The following GPR20 variants were observed in gnomAD, a reference collection of about 807,000 sequenced individuals.
GPR20 encodes the protein G protein-coupled receptor 20, also known as CTD-3064M3.3.
For synonymous variants in GPR20, 241 were observed against 241.9 expected (o/e 1.00, Z 0.04); for missense variants, 494 against 527.4 (o/e 0.94, Z 0.62).
At chr8:141,358,689 G>A (rs1474526896) in intron 1 of GPR20, among the ~76,000 whole-genome samples, 2 of 152,218 alleles carry the variant, frequency 1.3e-5, no homozygotes, top group Non-Finnish European at 2.9e-5. Context: ...TTTACAAAGG[G>A]AATTAGGCTG....
intron 1 of GPR20, among the ~76,000 whole-genome samples, chr8:141,362,279 C>T (rs1831745552): frequency 6.6e-6 from 1 of 152,202 alleles, no homozygotes. Flanking sequence ...CCTGGGCTGC[C>T]TCTCTCTGGT....
intron 1 of GPR20, among the ~76,000 whole-genome samples, chr8:141,361,350 C>T (rs762894730): frequency 6.6e-6 from 1 of 152,220 alleles, no homozygotes; most frequent in Non-Finnish European, 1.5e-5. Context: ...CCATGGAGCC[C>T]TGGCTCTGGC....
At chr8:141,366,543 A>G (rs1463704610) in intron 1 of GPR20, among the ~76,000 whole-genome samples, 1 of 152,184 alleles carries the variant, frequency 6.6e-6, no homozygotes, top group African/African-American at 2.4e-5. Context: ...CTAGGTCCAC[A>G]CTGAGGGCTG....
At chr8:141,363,896 C>A (rs772111366) in intron 1 of GPR20, among the ~76,000 whole-genome samples, 1 of 152,254 alleles carries the variant, frequency 6.6e-6, no homozygotes, top group Non-Finnish European at 1.5e-5. Context: ...GCTCAGGACC[C>A]TGTGTGCTGT....
In GPR20 at chr8:141,357,589, A is replaced by G. The variant is rs369261216; in HGVS notation, c.335T>C (p.Val112Ala). ...CAGGCAGCCCCTGGCGCCGTAGTAC[A>G]CAGCGAAGCGCGTGGGCAGGGACAG... ...VGLSLPTRFA[V>A]YYGARGCLRC... is the part of the protein sequence containing the mutation. Residue 112 changes from valine (V) to alanine (A), a missense_variant, in exon 2 of 2, where the codon GTG (valine) becomes GCG (alanine). Physicochemically the swap from Val to Ala is moderately conservative, Grantham distance 64. Coordinates refer to ENST00000377741, the MANE Select transcript of GPR20 (RefSeq NM_005293.3). 2.7e-5 allele frequency: 43 copies of G among 1,613,842 alleles called. No homozygotes were observed. The highest frequency in any genetic ancestry group is 3.6e-5 in the Non-Finnish European group (42 of 1,180,028).
In GPR20 at chr8:141,364,074, G is replaced by A. The variant is rs538748607; in HGVS notation, c.-25+3127C>T. 7.2e-5 allele frequency among the ~76,000 whole-genome samples: 11 copies of A among 152,378 alleles called. No homozygotes were observed. In the East Asian group the frequency reaches 2.1e-3, roughly 29 times the overall value. On this transcript the variant is annotated intron_variant, in intron 1 of 1. Coordinates refer to ENST00000377741, the MANE Select transcript of GPR20 (RefSeq NM_005293.3). ...CGGTTACCCAGCATGGAGCTGGTGGGGCTGGGAATCAGACCCAGGTCCACT... is the reference window on the plus strand; with the variant it reads ...CGGTTACCCAGCATGGAGCTGGTGGAGCTGGGAATCAGACCCAGGTCCACT...
intron 1 of GPR20, among the ~76,000 whole-genome samples, chr8:141,361,774 T>TGCAGGTGTGGCGGGGCAGGG (rs1427793389): frequency 6.6e-6 from 1 of 152,120 alleles, no homozygotes; most frequent in Admixed American, 6.5e-5. Context: ...GAGCACCTGC[T>TGCAGGTGTGGCGGGGCAGGG]GCAGGTGTGG....
intron 1 of GPR20, among the ~76,000 whole-genome samples, chr8:141,358,591 C>T (rs1831687864): frequency 6.6e-6 from 1 of 152,206 alleles, no homozygotes; most frequent in Admixed American, 6.5e-5. Context: ...CGTCATGGCC[C>T]CCATCCTCCG....
Position 141,357,767 on chromosome 8 carries a change from A to G in GPR20, c.157T>C (p.Trp53Arg). ...CCGTGCACCGCCATCAGCGCCAGCC[A>G]CAGGCCTGGGAAGGTGCCATGCAGC... ...EELHGTFPGL[W>R]LALMAVHGAI... is the part of the protein sequence containing the mutation. Residue 53 changes from tryptophan (W) to arginine (R), a missense_variant, in exon 2 of 2, where the codon TGG becomes CGG. Trp to Arg is a moderately radical substitution (Grantham distance 101). Coordinates refer to ENST00000377741, the MANE Select transcript of GPR20 (RefSeq NM_005293.3). The G allele has an allele frequency of 1.2e-6, 2 of 1,613,430 alleles. No individual in the cohort carries two copies. The highest frequency in any genetic ancestry group is 1.7e-6 in the Non-Finnish European group (2 of 1,179,968).
chr8:141,359,573 G>A (rs1450792254), intron 1 of GPR20, among the ~76,000 whole-genome samples: 1 of 152,236 alleles, frequency 6.6e-6, no homozygotes, highest in Non-Finnish European at 1.5e-5. Context: ...CCCCCCGACT[G>A]CAAGCAAGCT....
At chr8:141,359,491 G>C (rs537817829) in intron 1 of GPR20, among the ~76,000 whole-genome samples, 263 of 152,314 alleles carry the variant, frequency 1.7e-3, no homozygotes, top group African/African-American at 5.4e-3. Context: ...GAGGAGTCAA[G>C]TGCTGCCCAG....
chr8:141,364,118 C>A (rs777009323), intron 1 of GPR20, among the ~76,000 whole-genome samples: 3 of 152,228 alleles, frequency 2.0e-5, no homozygotes, highest in Non-Finnish European at 4.4e-5. Context: ...CCGGCACAGG[C>A]CGGAGTGGAG....
At chr8:141,362,935 T>C (rs754540878) in intron 1 of GPR20, among the ~76,000 whole-genome samples, 3 of 152,104 alleles carry the variant, frequency 2.0e-5, no homozygotes, top group Non-Finnish European at 4.4e-5. Flanking sequence ...GTATTTTTGG[T>C]ACAGATGGGG....
Position 141,356,983 on chromosome 8 carries a change from T to A in GPR20, c.941A>T (p.Gln314Leu). The change falls in exon 2 of 2, where the codon CAG (glutamine) becomes CTG (leucine). Residue 314 changes from glutamine to leucine, a missense_variant. Transcript: ENST00000377741. ...GCTGCTGGGCTCACGCTCTCCGTGC[T>A]GGCCGAAGAGGCCTCGGACGGTGGC... is the stretch of plus-strand genomic sequence containing the variant. The part of the protein sequence containing the change: ...FQATVRGLFG[Q>L]HGEREPSSGD... The A allele has an allele frequency of 6.2e-7, 1 of 1,613,178 alleles. No individual in the cohort carries two copies. The highest frequency in any genetic ancestry group is 1.1e-5 in the South Asian group (1 of 91,088).
Position 141,357,812 on chromosome 8 carries a change from A to G in GPR20, c.112T>C (p.Phe38Leu). 2.5e-6 allele frequency: 4 copies of G among 1,613,326 alleles called. No homozygotes were observed. Among genetic ancestry groups the G allele is most frequent in the Non-Finnish European group, 3.4e-6 (4 of 1,179,902 alleles). Residue 38 changes from phenylalanine (F) to leucine (L), a missense_variant, in exon 2 of 2, where the codon TTT (phenylalanine) becomes CTT (leucine). Phe to Leu is a conservative substitution (Grantham distance 22, BLOSUM62 0). Transcript: ENST00000377741. ...TGCAGCTCCTCGTCCAGCCGGGCAA[A>G]CAGGTGGAACAGGGGCACCTCCAGC... Reference protein sequence around the residue: ...SGLEVPLFHLFARLDEELHGT... With the variant: ...SGLEVPLFHLLARLDEELHGT...
intron 1 of GPR20, among the ~76,000 whole-genome samples, chr8:141,364,837 C>T (rs7460397): frequency 0.045 from 6,777 of 152,218 alleles, 177 homozygotes; most frequent in African/African-American, 0.061. Context: ...GGAGGTCCTG[C>T]GTGTCACCCA....
In GPR20 at chr8:141,360,533, C is replaced by T. The variant is rs375043327; in HGVS notation, c.-24-2586G>A. The stretch of plus-strand genomic sequence containing the variant: ...AACCCCCACCTGCCTCCCACAGCGA[C>T]GGATGTCCCGATTCGATTATTACGG... On this transcript the variant is annotated intron_variant, in intron 1 of 1. Coordinates refer to ENST00000377741, the MANE Select transcript of GPR20 (RefSeq NM_005293.3). 1.9e-4 allele frequency among the ~76,000 whole-genome samples: 29 copies of T among 152,334 alleles called. No homozygotes were observed. In the South Asian group the frequency reaches 4.8e-3, roughly 25 times the overall value.
rs1376408730 is a variant in GPR20, at chr8:141,356,727, T to C, written c.*120A>G. ...TGGCCTTAGACGCTCAATGCGGTGC[T>C]CTGGGTAGCCATCACCAATCAATCG... On this transcript the variant is annotated 3_prime_UTR_variant, in exon 2 of 2. Transcript: ENST00000377741. 6.0e-6 allele frequency: 4 copies of C among 669,516 alleles called. No homozygotes were observed. The highest frequency in any genetic ancestry group is 1.8e-5 in the African/African-American group (1 of 55,390). 41.5% of individuals were successfully genotyped at this position (669,516 alleles called of 1,614,324 possible).
intron 1 of GPR20, among the ~76,000 whole-genome samples, chr8:141,366,623 A>G (rs1239296719): frequency 6.6e-6 from 1 of 152,236 alleles, no homozygotes; most frequent in Non-Finnish European, 1.5e-5. Context: ...AGGCTACTGC[A>G]GAGGGCCTGA....
Sources: allele counts gnomAD v4.1 joint callset (sites outside exome capture counted in the v4.1 genomes callset), GRCh38; gene constraint gnomAD v4.1.1; transcripts MANE v1.5; gene names NCBI Gene and HGNC (gene_info 2026-07-23, HGNC 2026-07-21).